LIN28A: variants seen among roughly 807,000 people sequenced by gnomAD.
LIN28A encodes the protein protein lin-28 homolog A.
LIN28A carries 11 observed loss-of-function variants against 21.1 expected under a neutral mutation model. The observed-to-expected ratio is 0.52, with a 90% confidence interval of 0.33 to 0.86. The LOEUF is 0.86. Among genes scored for constraint, LIN28A ranks in the 40% least tolerant of loss-of-function variants. The pLI is 0.03. For synonymous variants in LIN28A, 111 were observed against 108.7 expected, an observed-to-expected ratio of 1.02 and a Z score of -0.13; for missense variants, 219 against 279.8, an observed-to-expected ratio of 0.78 and a Z score of 1.55.
intron 2 of LIN28A, among the ~76,000 whole-genome samples, chr1:26,412,040 G>A (rs1236219900): frequency 6.6e-6 from 1 of 152,248 alleles, no homozygotes; most frequent in East Asian, 1.9e-4. Flanking sequence ...GACCCAAGGG[G>A]CGTAAAGCCG....
At chr1:26,419,186 C>A (rs1410357413) in intron 2 of LIN28A, among the ~76,000 whole-genome samples, 1 of 149,852 alleles carries the variant, frequency 6.7e-6, no homozygotes, top group African/African-American at 2.5e-5. Context: ...GAGGCTGGCT[C>A]TGTGGGGCTG....
At chr1:26,426,046 T>C (rs989842154) in intron 3 of LIN28A, among the ~76,000 whole-genome samples, 196 bp from the exon 4 acceptor site, 1 of 152,178 alleles carries the variant, frequency 6.6e-6, no homozygotes, top group Non-Finnish European at 1.5e-5. Context: ...TCTGAAGAGA[T>C]CACCTAGACA....
intron 2 of LIN28A, among the ~76,000 whole-genome samples, chr1:26,413,773 T>C (rs137890043): frequency 0.013 from 1,944 of 151,770 alleles, 17 homozygotes; most frequent in Non-Finnish European, 0.019. Context: ...GTTAGATTAG[T>C]GATTCCAGTC....
At position 26,411,694 on chromosome 1, in the gene LIN28A, C is replaced by T; in HGVS notation, c.228+112C>T. ...AGGGCCATCGGGAGCCCTCATTATG[C>T]ATCCCTGTCTTTGCTTCGGCACCCC... is the stretch of plus-strand genomic sequence containing the variant. On this transcript the variant is annotated intron_variant, in intron 2 of 3. Coordinates refer to ENST00000326279, the MANE Select transcript of LIN28A (RefSeq NM_024674.6). This position sits in a 1 kb window ranked among gnomAD's most constrained non-coding sequence, Gnocchi z 5.4. 2 of 1,076,534 alleles carry T rather than the reference C, an allele frequency of 1.9e-6. No homozygotes were observed. The highest frequency in any genetic ancestry group is 1.4e-5 in the South Asian group (1 of 72,024). The allele number at this position is 1,076,534 out of a possible 1,614,324, so 66.7% of individuals were successfully genotyped here. A position where few individuals can be genotyped will look rare whatever the true frequency, so the allele number is the denominator to read the frequency against.
intron 2 of LIN28A, among the ~76,000 whole-genome samples, chr1:26,412,004 G>A (rs1229599229): frequency 6.6e-6 from 1 of 152,236 alleles, no homozygotes; most frequent in Non-Finnish European, 1.5e-5. Flanking sequence ...CAGAAGGCGG[G>A]AGAGAGTGAG....
At chr1:26,412,147 G>T (rs185770470) in intron 2 of LIN28A, among the ~76,000 whole-genome samples, 1 of 152,372 alleles carries the variant, frequency 6.6e-6, no homozygotes, top group East Asian at 1.9e-4. Flanking sequence ...GTGGGGGCTT[G>T]AAAGCTCAGG....
At chr1:26,421,123 T>G (rs913724862) in intron 2 of LIN28A, among the ~76,000 whole-genome samples, 1 of 152,214 alleles carries the variant, frequency 6.6e-6, no homozygotes, top group Non-Finnish European at 1.5e-5. Flanking sequence ...CTAATAGGAT[T>G]ATTCCATACA....
chr1:26,423,550 T>A lies in LIN28A; in HGVS notation c.229-1753T>A, dbSNP rs548773193. On this transcript the variant is annotated intron_variant, in intron 2 of 3. Transcript: ENST00000326279. ...TCAGCCTCCCAAGTAGCTGGGATTA[T>A]AGATGCCCACCACCACGCCTGGCTA... Among the ~76,000 whole-genome samples, 4 of 150,638 alleles carry A rather than the reference T, an allele frequency of 2.7e-5. No homozygotes were observed. In the East Asian group the frequency reaches 7.9e-4, roughly 30 times the overall value.
chr1:26,423,735 T>C (rs191818606), intron 2 of LIN28A, among the ~76,000 whole-genome samples: 10 of 148,842 alleles, frequency 6.7e-5, no homozygotes, highest in South Asian at 2.2e-4. Context: ...TCTTAAATCA[T>C]TGAGCATCTT....
chr1:26,426,534 G>C lies in LIN28A; in HGVS notation c.*76G>C. 1 of 1,125,918 alleles carries C rather than the reference G, an allele frequency of 8.9e-7. No individual in the cohort carries two copies. Among genetic ancestry groups the C allele is most frequent in the Non-Finnish European group, 1.3e-6 (1 of 756,172 alleles). 69.7% of individuals were successfully genotyped at this position (1,125,918 alleles called of 1,614,324 possible). On this transcript the variant is annotated 3_prime_UTR_variant, in exon 4 of 4. Coordinates refer to ENST00000326279, the MANE Select transcript of LIN28A (RefSeq NM_024674.6). ...AGGCAGAGTGGAGAAAGTGGGAATA[G>C]GGTGCATTGGGGCTAGTTGGCACTG...
At position 26,426,476 on chromosome 1, in the gene LIN28A, C is replaced by T. The variant is rs770384641; in HGVS notation, c.*18C>T. ...AGAATTGAGCCACAATGGGTGGGGG[C>T]TATTCTTTTGCTATCAGGAAGTTTT... On this transcript the variant is annotated 3_prime_UTR_variant, in exon 4 of 4. Transcript: ENST00000326279. 1.9e-6 allele frequency: 3 copies of T among 1,600,546 alleles called. No individual in the cohort carries two copies. Among genetic ancestry groups the T allele is most frequent in the East Asian group, 2.2e-5 (1 of 44,812 alleles).
chr1:26,418,324 A>T (rs796292042), intron 2 of LIN28A, among the ~76,000 whole-genome samples: 2 of 152,156 alleles, frequency 1.3e-5, no homozygotes, highest in South Asian at 4.1e-4. Flanking sequence ...AGGCGGGTAG[A>T]TCATGAGGTC....
chr1:26,415,684 GGC>G (rs1491082174), intron 2 of LIN28A, among the ~76,000 whole-genome samples: 1 of 149,976 alleles, frequency 6.7e-6, no homozygotes, highest in Non-Finnish European at 1.5e-5. Context: ...TCGCTTTCTG[GGC>G]TGGGCACAAC....
chr1:26,426,400 T>C lies in LIN28A; in HGVS notation c.572T>C (p.Phe191Ser). 6.2e-7 allele frequency: 1 copy of C among 1,614,110 alleles called. No individual in the cohort carries two copies. Residue 191 changes from phenylalanine (F) to serine (S), a missense_variant, in exon 4 of 4, where the codon TTT becomes TCT. By Grantham distance (155) the Phe-to-Ser change is radical. Transcript: ENST00000326279. The part of the protein sequence containing the change: ...GPSAQGKPTY[F>S]REEEEEIHSP... ...AGTGCACAGGGAAAGCCAACCTACT[T>C]TCGAGAGGAAGAAGAAGAAATCCAC...
chr1:26,418,022 A>G (rs1476429893), intron 2 of LIN28A, among the ~76,000 whole-genome samples: 1 of 150,112 alleles, frequency 6.7e-6, no homozygotes, highest in East Asian at 1.9e-4. Flanking sequence ...TTTTCTCTTC[A>G]TACTTTTTTC....
intron 2 of LIN28A, among the ~76,000 whole-genome samples, chr1:26,424,050 C>T (rs1175210488): frequency 1.3e-5 from 2 of 151,442 alleles, no homozygotes; most frequent in East Asian, 1.9e-4. Flanking sequence ...CGTGAGGCAG[C>T]GCACCCGGCC....
chr1:26,415,352 C>A (rs984904691), intron 2 of LIN28A, among the ~76,000 whole-genome samples: 2 of 151,952 alleles, frequency 1.3e-5, no homozygotes, highest in Admixed American at 6.6e-5. Context: ...GTTAGGGTTG[C>A]GGGGGCGGGT....
At position 26,426,591 on chromosome 1, in the gene LIN28A, A is replaced by G; in HGVS notation, c.*133A>G. 1.4e-6 allele frequency: 1 copy of G among 692,314 alleles called. No individual in the cohort carries two copies. Among genetic ancestry groups the G allele is most frequent in the Non-Finnish European group, 2.5e-6 (1 of 392,486 alleles). The allele number at this position is 692,314 out of a possible 1,614,324, so 42.9% of individuals were successfully genotyped here. The stretch of plus-strand genomic sequence containing the variant: ...ATCTCAGGCTTGGGTTCACACCATC[A>G]CCCTTTCTTCCCTCTAGGTGGGGGG... On this transcript the variant is annotated 3_prime_UTR_variant, in exon 4 of 4. Transcript: ENST00000326279.
intron 2 of LIN28A, among the ~76,000 whole-genome samples, chr1:26,423,343 G>C: frequency 6.6e-6 from 1 of 150,388 alleles, no homozygotes; most frequent in East Asian, 2.0e-4. Flanking sequence ...ACTGTGCCTG[G>C]CCTATTCTGT....
Sources: allele counts gnomAD v4.1 joint callset (sites outside exome capture counted in the v4.1 genomes callset), GRCh38; gene constraint gnomAD v4.1.1; non-coding constraint Gnocchi (gnomAD v3.1); transcripts MANE v1.5; gene names NCBI Gene and HGNC (gene_info 2026-07-23, HGNC 2026-07-21).